The following SPAG17 variants were observed in gnomAD, a reference collection of about 807,000 sequenced individuals.
The protein encoded by SPAG17 is sperm associated antigen 17.
Under a neutral mutation model 273.6 loss-of-function variants are expected in SPAG17, and 169 were observed. The ratio of observed to expected loss-of-function variants is 0.62; its 90% CI spans 0.55 to 0.70. The LOEUF is 0.70. Ranked by LOEUF, SPAG17 falls within the 30% of genes least tolerant of loss-of-function variation. The pLI, the probability that SPAG17 is intolerant of heterozygous loss-of-function variation, is 0.00. For synonymous variants in SPAG17, 825 were observed against 873.2 expected, an observed-to-expected ratio of 0.94 and a Z score of 0.97; for missense variants, 2,557 against 2,627.8, an observed-to-expected ratio of 0.97 and a Z score of 0.59.
In SPAG17 at chr1:118,081,319, T is replaced by C; in HGVS notation, c.1991A>G (p.Asp664Gly). The C allele has an allele frequency of 6.2e-7, 1 of 1,613,672 alleles. No individual in the cohort carries two copies. Among genetic ancestry groups the C allele is most frequent in the Admixed American group, 1.7e-5 (1 of 60,002 alleles). ...TAGTGTTCTGTCTTTGATTTTAATATCTATTCAGTGTAAGGAACATCCATG... is the reference window on the plus strand; with the variant it reads ...TAGTGTTCTGTCTTTGATTTTAATACCTATTCAGTGTAAGGAACATCCATG... The part of the protein sequence containing the change: ...MNTQEAKQKA[D>G]IKIKDRTLFV... The change falls in exon 15 of 49, where the codon GAT (aspartate) becomes GGT (glycine). Residue 664 changes from aspartate to glycine, a missense_variant and splice_region_variant. Physicochemically the swap from Asp to Gly is moderately conservative, Grantham distance 94 (BLOSUM62 -1). Coordinates refer to ENST00000336338, the MANE Select transcript of SPAG17 (RefSeq NM_206996.4).
chr1:118,053,553 A>T (rs1449966044), intron 20 of SPAG17, among the ~76,000 whole-genome samples: 3 of 152,032 alleles, frequency 2.0e-5, no homozygotes, highest in Admixed American at 2.0e-4. Flanking sequence ...TACTAGTAAA[A>T]TAGCCTATCT....
rs1219339939 is a variant in SPAG17 at position 117,996,459 on chromosome 1, A to G, written c.4964T>C (p.Leu1655Pro). Residue 1655 changes from leucine (L) to proline (P), a missense_variant, in exon 34 of 49, where the codon CTT becomes CCT. By Grantham distance (98) the Leu-to-Pro change is moderately conservative. Transcript: ENST00000336338. ...MYADGSGMEL[L>P]RDSDIEEYLS... Reference sequence around the variant, plus strand: ...ATATTCTTCTATGTCACTGTCTCGAAGAAGTTCCATTCCTGATCCATCAGC... The same window carrying G: ...ATATTCTTCTATGTCACTGTCTCGAGGAAGTTCCATTCCTGATCCATCAGC... The G allele has an allele frequency of 6.2e-7, 1 of 1,613,160 alleles. No individual in the cohort carries two copies. The highest frequency in any genetic ancestry group is 8.5e-7 in the Non-Finnish European group (1 of 1,179,424).
At chr1:118,184,661 T>C (rs1048896611) in intron 1 of SPAG17, among the ~76,000 whole-genome samples, 1 of 152,214 alleles carries the variant, frequency 6.6e-6, no homozygotes, top group Non-Finnish European at 1.5e-5. Context: ...TCAGCATTTA[T>C]TAAAGCCCTA....
At chr1:117,967,261 G>A (rs982467121) in intron 46 of SPAG17, among the ~76,000 whole-genome samples, 1 of 141,680 alleles carries the variant, frequency 7.1e-6, no homozygotes, top group Admixed American at 7.6e-5. Context: ...TCGCGCCACT[G>A]CACTCCAGTC....
At chr1:117,990,836 C>T (rs753259279) in intron 38 of SPAG17, 25 bp downstream of exon 38, 1 of 1,492,788 alleles carries the variant, frequency 6.7e-7, no homozygotes, top group Non-Finnish European at 9.2e-7. Flanking sequence ...AAATATACTG[C>T]AGAAGAATAT....
intron 1 of SPAG17, among the ~76,000 whole-genome samples, chr1:118,175,966 T>C (rs1660679166): frequency 6.6e-6 from 1 of 152,044 alleles, no homozygotes; most frequent in South Asian, 2.1e-4. Context: ...TGAGACAACA[T>C]AAAGTCAAAA....
At chr1:118,089,355 G>GTGTGTGTGTGTGTGTGTGTGTGTGTGTGT (rs10527094) in intron 10 of SPAG17, among the ~76,000 whole-genome samples, 3 of 137,934 alleles carry the variant, frequency 2.2e-5, no homozygotes, top group East Asian at 4.8e-4. Context: ...GTGTGTGTGT[G>GTGTGTGTGTGTGTGTGTGTGTGTGTGTGT]GTGGCAGGTA....
intron 3 of SPAG17, among the ~76,000 whole-genome samples, chr1:118,133,258 G>A (rs1036618054): frequency 6.6e-6 from 1 of 152,086 alleles, no homozygotes; most frequent in African/African-American, 2.4e-5. Context: ...GATAAGCAGT[G>A]CCACAGTCCA....
intron 38 of SPAG17, among the ~76,000 whole-genome samples, chr1:117,990,339 T>C (rs574085216): frequency 6.6e-6 from 1 of 152,310 alleles, no homozygotes; most frequent in African/African-American, 2.4e-5. Context: ...ACCAAATTCC[T>C]ACTGCTTGTT....
At chr1:118,098,340 C>T (rs1655847982) in intron 6 of SPAG17, among the ~76,000 whole-genome samples, 1 of 152,006 alleles carries the variant, frequency 6.6e-6, no homozygotes, top group Admixed American at 6.6e-5. Flanking sequence ...TAGCAATAGG[C>T]TTCTCTGGGT....
chr1:118,100,618 A>G (rs184492283), intron 5 of SPAG17, among the ~76,000 whole-genome samples: 11 of 152,306 alleles, frequency 7.2e-5, no homozygotes, highest in Non-Finnish European at 1.5e-4. Context: ...CAATGTTGAT[A>G]TTGCCCATGG....
intron 18 of SPAG17, among the ~76,000 whole-genome samples, chr1:118,056,922 T>A (rs939260962): frequency 6.6e-6 from 1 of 152,128 alleles, no homozygotes; most frequent in Non-Finnish European, 1.5e-5. Context: ...ACAGTTCCAG[T>A]TAAACAGGTC....
At chr1:118,101,991 C>T in intron 4 of SPAG17, 65 bp from the exon 5 acceptor site, 2 of 1,323,256 alleles carry the variant, frequency 1.5e-6, no homozygotes, top group South Asian at 1.3e-5. Flanking sequence ...TTTCTACTGC[C>T]AGGTGAATTA....
intron 3 of SPAG17, among the ~76,000 whole-genome samples, chr1:118,148,093 G>GT (rs1228363616): frequency 1.3e-5 from 2 of 152,188 alleles, no homozygotes; most frequent in African/African-American, 4.8e-5. Context: ...AAGTTACCAT[G>GT]TAACAAAAGG....
At chr1:118,055,686 A>G in intron 19 of SPAG17, 47 bp downstream of exon 19, 1 of 1,396,126 alleles carries the variant, frequency 7.2e-7, no homozygotes. Context: ...GAGAGAGAAG[A>G]ACGTTCTTGA....
At position 118,012,311 on chromosome 1, in the gene SPAG17, A is replaced by G. The variant is rs1227015838; in HGVS notation, c.4349T>C (p.Val1450Ala). 6 of 1,613,738 alleles carry G rather than the reference A, an allele frequency of 3.7e-6. No homozygotes were observed. The highest frequency in any genetic ancestry group is 3.3e-5 in the Admixed American group (2 of 59,976). ...IVERKDGTRIVDHADGTRITT... is the reference protein window; with the variant it reads ...IVERKDGTRIADHADGTRITT... Reference sequence around the variant, plus strand: ...GATTCTGGTACCATCAGCATGATCCACTATCCGAGTACCATCTTTCCTTTC... The same window carrying G: ...GATTCTGGTACCATCAGCATGATCCGCTATCCGAGTACCATCTTTCCTTTC... Residue 1450 changes from valine (V) to alanine (A), a missense_variant, in exon 30 of 49, where the codon GTG becomes GCG. By Grantham distance (64) the Val-to-Ala change is moderately conservative. Transcript: ENST00000336338.
chr1:118,031,758 TA>T lies in SPAG17; in HGVS notation c.3542del (p.Ile1181LysfsTer27), dbSNP rs1309325798. On this transcript the variant is annotated frameshift_variant, in exon 25 of 49. Coordinates refer to ENST00000336338, the MANE Select transcript of SPAG17 (RefSeq NM_206996.4). LOFTEE classifies it high-confidence loss of function. ...ATTCTTTGGGTTTTTCTTTGCCTTT[TA>T]TTTTCCCTTTAGCTTTGCTTTGAGG... ...TVPQSKAKGKIKGKEKPKESL... is the reference protein window; with the variant it reads ...TVPQSKAKGKXKGKEKPKESL... 1 of 1,613,926 alleles carries T rather than the reference TA, an allele frequency of 6.2e-7. No individual in the cohort carries two copies. Among genetic ancestry groups the T allele is most frequent in the African/African-American group, 1.3e-5 (1 of 75,052 alleles).
chr1:118,071,527 G>A (rs1378503006), intron 17 of SPAG17, among the ~76,000 whole-genome samples: 1 of 152,078 alleles, frequency 6.6e-6, no homozygotes, highest in African/African-American at 2.4e-5. Context: ...GCAAGTGCCT[G>A]TAATCCCAGC....
At chr1:118,031,900 T>A in intron 24 of SPAG17, 33 bp from the exon 25 acceptor site, 1 of 1,488,168 alleles carries the variant, frequency 6.7e-7, no homozygotes, top group Non-Finnish European at 9.2e-7. Context: ...TGAAGTTGAT[T>A]CAACATTCAT....
Sources: allele counts gnomAD v4.1 joint callset (sites outside exome capture counted in the v4.1 genomes callset), GRCh38; gene constraint gnomAD v4.1.1; transcripts MANE v1.5; gene names NCBI Gene and HGNC (gene_info 2026-07-23, HGNC 2026-07-21).